PDE7B: variants seen among roughly 807,000 people sequenced by gnomAD.
PDE7B encodes the protein 3',5'-cyclic-AMP phosphodiesterase 7B.
A neutral mutation model predicts 56.2 loss-of-function variants in PDE7B; 29 were observed. The observed-to-expected ratio is 0.52, with a 90% confidence interval of 0.38 to 0.70. PDE7B has a LOEUF of 0.70. Ranked by LOEUF, PDE7B falls within the 30% of genes least tolerant of loss-of-function variation. The pLI is 0.00. For synonymous variants in PDE7B, 197 were observed against 196.9 expected, an observed-to-expected ratio of 1.00 and a Z score of 0.00; for missense variants, 490 against 565.0, an observed-to-expected ratio of 0.87 and a Z score of 1.35.
At chr6:135,986,062 C>CT (rs1213214682) in intron 2 of PDE7B, among the ~76,000 whole-genome samples, 1 of 152,216 alleles carries the variant, frequency 6.6e-6, no homozygotes, top group Non-Finnish European at 1.5e-5. Flanking sequence ...ATATTGCTCA[C>CT]TAGAGACCCT....
intron 3 of PDE7B, among the ~76,000 whole-genome samples, chr6:136,145,495 G>C (rs1283727431): frequency 6.6e-6 from 1 of 152,122 alleles, no homozygotes; most frequent in African/African-American, 2.4e-5. Flanking sequence ...TTAAAAACCA[G>C]AATCTGGGTG....
chr6:135,878,189 A>G (rs1775536410), intron 1 of PDE7B, among the ~76,000 whole-genome samples: 1 of 152,132 alleles, frequency 6.6e-6, no homozygotes, highest in African/African-American at 2.4e-5. Context: ...AATTTAAGTT[A>G]CTTCTTTGCT....
At chr6:136,009,483 C>T (rs1201610795) in intron 2 of PDE7B, among the ~76,000 whole-genome samples, 3 of 152,084 alleles carry the variant, frequency 2.0e-5, no homozygotes, top group African/African-American at 7.3e-5. Context: ...AATGTTCTTC[C>T]ATTTGTCTGT....
At chr6:135,927,035 T>A (rs980500669) in intron 1 of PDE7B, among the ~76,000 whole-genome samples, 1 of 152,236 alleles carries the variant, frequency 6.6e-6, no homozygotes, top group African/African-American at 2.4e-5. Flanking sequence ...CCTATTCATC[T>A]AACATACTTG....
chr6:136,129,404 C>G (rs931065264), intron 3 of PDE7B, among the ~76,000 whole-genome samples: 10 of 152,164 alleles, frequency 6.6e-5, no homozygotes, highest in Non-Finnish European at 1.3e-4. Flanking sequence ...CCCATGAGGG[C>G]ACTGCTTAGT....
At chr6:135,903,881 T>C (rs1776049568) in intron 1 of PDE7B, among the ~76,000 whole-genome samples, 2 of 152,238 alleles carry the variant, frequency 1.3e-5, no homozygotes, top group East Asian at 3.8e-4. Flanking sequence ...GACCATTCTG[T>C]AAACATTAGA....
At chr6:136,063,822 C>T (rs1352106184) in intron 2 of PDE7B, among the ~76,000 whole-genome samples, 1 of 152,162 alleles carries the variant, frequency 6.6e-6, no homozygotes, top group Non-Finnish European at 1.5e-5. Context: ...CTCTCATTTC[C>T]AAATTCCCTT....
At chr6:135,880,182 T>G (rs1381506759) in intron 1 of PDE7B, among the ~76,000 whole-genome samples, 2 of 152,180 alleles carry the variant, frequency 1.3e-5, no homozygotes, top group Non-Finnish European at 2.9e-5. Context: ...CCTGTTTGGC[T>G]TGAGTTGCCT....
intron 3 of PDE7B, among the ~76,000 whole-genome samples, chr6:136,118,337 G>A (rs1420950756): frequency 1.3e-5 from 2 of 152,178 alleles, no homozygotes; most frequent in Non-Finnish European, 2.9e-5. Context: ...CATTGAACCT[G>A]AATTTCTGGA....
chr6:136,032,953 C>G (rs946806159), intron 2 of PDE7B, among the ~76,000 whole-genome samples: 2 of 152,170 alleles, frequency 1.3e-5, no homozygotes, highest in Non-Finnish European at 2.9e-5. Flanking sequence ...TTGTAACTCT[C>G]AGATAAGTAG....
At position 135,852,012 on chromosome 6, in the gene PDE7B, T is replaced by C. The variant is rs752655676; in HGVS notation, c.14T>C (p.Met5Thr). MSCL[M>T]VERCGEILFE... Reference sequence around the variant, plus strand: ...CACTATGGTTAAATGTCTTGTTTAATGGTTGAGGTATGTACAACAAATTTA... The same window carrying C: ...CACTATGGTTAAATGTCTTGTTTAACGGTTGAGGTATGTACAACAAATTTA... Residue 5 changes from methionine (M) to threonine (T), a missense_variant, in exon 1 of 13, where the codon ATG (methionine) becomes ACG (threonine). Physicochemically the swap from Met to Thr is moderately conservative, Grantham distance 81 (BLOSUM62 -1). Transcript: ENST00000308191. 6 of 1,608,834 alleles carry C rather than the reference T, an allele frequency of 3.7e-6. No homozygotes were observed. Among genetic ancestry groups the C allele is most frequent in the Non-Finnish European group, 4.3e-6 (5 of 1,175,252 alleles).
intron 2 of PDE7B, chr6:136,038,029 A>G (rs771950134): frequency 7.6e-7 from 1 of 1,320,732 alleles, no homozygotes; most frequent in African/African-American, 1.5e-5. Context: ...ACCAGAGAGA[A>G]ACCTAGGGAA....
At chr6:135,995,545 G>C (rs1165655648) in intron 2 of PDE7B, among the ~76,000 whole-genome samples, 1 of 152,032 alleles carries the variant, frequency 6.6e-6, no homozygotes, top group Admixed American at 6.5e-5. Context: ...GTGGACAAAT[G>C]GGAAGTTGGT....
chr6:136,005,668 C>T (rs565731205), intron 2 of PDE7B, among the ~76,000 whole-genome samples: 53 of 152,160 alleles, frequency 3.5e-4, no homozygotes, highest in Non-Finnish European at 6.8e-4. Flanking sequence ...CTGTCTCACA[C>T]CAGTTAGAAT....
chr6:136,190,247 A>G (rs929509095), intron 12 of PDE7B, among the ~76,000 whole-genome samples: 1 of 152,228 alleles, frequency 6.6e-6, no homozygotes, highest in East Asian at 1.9e-4. Context: ...CAACCTTACC[A>G]AAATTCCAAA....
chr6:135,852,686 A>G (rs542948737), intron 1 of PDE7B, among the ~76,000 whole-genome samples: 2 of 152,314 alleles, frequency 1.3e-5, no homozygotes, highest in East Asian at 3.9e-4. Flanking sequence ...CCAGAAATTT[A>G]GATATTATTA....
intron 1 of PDE7B, among the ~76,000 whole-genome samples, chr6:135,872,431 A>C (rs888773912): frequency 1.3e-5 from 2 of 152,166 alleles, no homozygotes; most frequent in Non-Finnish European, 2.9e-5. Context: ...CACATAAGAC[A>C]CTGCAAAAAA....
Position 136,147,467 on chromosome 6 carries a change from C to T in PDE7B, c.283C>T (p.His95Tyr). 2 of 1,613,966 alleles carry T rather than the reference C, an allele frequency of 1.2e-6. No homozygotes were observed. Among genetic ancestry groups the T allele is most frequent in the East Asian group, 2.2e-5 (1 of 44,876 alleles). The change falls in exon 4 of 13, where the codon CAC (histidine) becomes TAC (tyrosine). Residue 95 changes from histidine (H) to tyrosine (Y), a missense_variant. Physicochemically the swap from His to Tyr is moderately conservative, Grantham distance 83. Coordinates refer to ENST00000308191, the MANE Select transcript of PDE7B (RefSeq NM_018945.4). ...LRGIIPQAPL[H>Y]LLDEDYLGQA... ...TGGAATTATACCACAAGCCCCTCTGCACCTGCTGGATGAAGACTACCTTGG... is the reference window on the plus strand; with the variant it reads ...TGGAATTATACCACAAGCCCCTCTGTACCTGCTGGATGAAGACTACCTTGG...
intron 9 of PDE7B, 35 bp from the exon 10 acceptor site, chr6:136,178,962 G>T (rs372675412): frequency 6.2e-6 from 10 of 1,611,982 alleles, no homozygotes; most frequent in Non-Finnish European, 8.5e-6. Context: ...GATTTGCTTT[G>T]TGTGTGTTTT....
Sources: allele counts gnomAD v4.1 joint callset (sites outside exome capture counted in the v4.1 genomes callset), GRCh38; gene constraint gnomAD v4.1.1; transcripts MANE v1.5; gene names NCBI Gene and HGNC (gene_info 2026-07-23, HGNC 2026-07-21).